Variants in REEP1 observed in about 807,000 individuals in gnomAD.
REEP1 encodes receptor expression-enhancing protein 1.
REEP1 carries 22 observed loss-of-function variants against 40.3 expected under a neutral mutation model. That is an observed-to-expected ratio of 0.55 (90% CI 0.39 to 0.78). REEP1 has a LOEUF of 0.78. Ranked by LOEUF, REEP1 falls within the 30% of genes least tolerant of loss-of-function variation. The pLI is 0.00. For synonymous variants in REEP1, 116 were observed against 139.2 expected, an observed-to-expected ratio of 0.83 and a Z score of 1.17; for missense variants, 280 against 361.1, an observed-to-expected ratio of 0.78 and a Z score of 1.82.
intron 8 of REEP1, among the ~76,000 whole-genome samples, chr2:86,218,699 C>T (rs1271295403): frequency 6.6e-6 from 1 of 152,208 alleles, no homozygotes; most frequent in Non-Finnish European, 1.5e-5. Context: ...ATTGCCCAGG[C>T]CAGACTCCTC....
chr2:86,263,971 A>G lies in REEP1; in HGVS notation c.176T>C (p.Leu59Pro), dbSNP rs1553462741. 6.2e-7 allele frequency: 1 copy of G among 1,611,670 alleles called. No individual in the cohort carries two copies. The highest frequency in any genetic ancestry group is 2.2e-5 in the East Asian group (1 of 44,874). ...TTAETFTDIF[L>P]CWFPFYYELK... ...CAACTCCTGGAGTACTTACCAACAA[A>G]GGAAGATGTCTGTGAATGTCTCTGC... The change falls in exon 3 of 9, where the codon CTT becomes CCT. Residue 59 changes from leucine to proline, a missense_variant. Physicochemically the swap from Leu to Pro is moderately conservative, Grantham distance 98. Around this residue, in one of 3 missense-constraint regions of REEP1, gnomAD observed 68 missense variants for 83.7 expected, o/e 0.81. Transcript: ENST00000538924.
intron 1 of REEP1, among the ~76,000 whole-genome samples, chr2:86,293,342 C>T (rs935140701): frequency 6.6e-6 from 1 of 152,146 alleles, no homozygotes; most frequent in African/African-American, 2.4e-5. Flanking sequence ...GGCAAAGCTG[C>T]GTGTGCTAAG....
At chr2:86,236,828 C>T (rs1014700304) in intron 5 of REEP1, among the ~76,000 whole-genome samples, 6 of 152,232 alleles carry the variant, frequency 3.9e-5, no homozygotes, top group African/African-American at 9.6e-5. Context: ...CTCCGCCTCC[C>T]GCGTTCACGC....
intron 1 of REEP1, among the ~76,000 whole-genome samples, chr2:86,296,939 G>A (rs1203330358): frequency 6.6e-6 from 1 of 152,200 alleles, no homozygotes; most frequent in East Asian, 1.9e-4. Flanking sequence ...CTTGGGTTCT[G>A]CTGAAAACAA....
At chr2:86,304,297 T>G (rs566589421) in intron 1 of REEP1, among the ~76,000 whole-genome samples, 2 of 152,224 alleles carry the variant, frequency 1.3e-5, no homozygotes, top group East Asian at 3.9e-4. Flanking sequence ...TGTATCCAAA[T>G]TTGTCACAGC....
At chr2:86,254,624 C>T in intron 4 of REEP1, 70 bp downstream of exon 4, 1 of 1,520,388 alleles carries the variant, frequency 6.6e-7, no homozygotes. Context: ...GCAATAAGAT[C>T]ATCCCTTTTT....
intron 1 of REEP1, among the ~76,000 whole-genome samples, chr2:86,282,623 C>A (rs1387213718): frequency 6.6e-6 from 1 of 152,136 alleles, no homozygotes; most frequent in African/African-American, 2.4e-5. Flanking sequence ...GCTTCTTTCT[C>A]CATCAAAACC....
intron 8 of REEP1, 53 bp downstream of exon 8, chr2:86,219,917 G>T: frequency 8.2e-7 from 1 of 1,223,936 alleles, no homozygotes; most frequent in Non-Finnish European, 1.0e-6. Flanking sequence ...CAATCTCCAG[G>T]GCATAGCCTT....
chr2:86,251,997 A>C lies in REEP1; in HGVS notation c.377T>G (p.Leu126Trp). 1 of 1,614,070 alleles carries C rather than the reference A, an allele frequency of 6.2e-7. No individual in the cohort carries two copies. Among genetic ancestry groups the C allele is most frequent in the East Asian group, 2.2e-5 (1 of 44,870 alleles). The change falls in exon 5 of 9, where the codon TTG becomes TGG. Residue 126 changes from leucine (L) to tryptophan (W), a missense_variant. Transcript: ENST00000538924. The part of the protein sequence containing the change: ...DALVHFGKRG[L>W]NVAATAAVMA... ...CACAGCCGCTGTGGCGGCCACGTTC[A>C]AGCCCCGCTTCCCGAAGTGCACAAG...
chr2:86,271,559 T>C (rs1319471593), intron 2 of REEP1, among the ~76,000 whole-genome samples: 1 of 152,176 alleles, frequency 6.6e-6, no homozygotes, highest in Admixed American at 6.5e-5. Flanking sequence ...TTTCAAAAAA[T>C]GAAAGCTGTT....
chr2:86,274,525 C>T (rs1297218526), intron 2 of REEP1, among the ~76,000 whole-genome samples: 4 of 152,224 alleles, frequency 2.6e-5, no homozygotes, highest in African/African-American at 9.6e-5. Flanking sequence ...AGATGGAAAC[C>T]ATAGCCATCT....
In REEP1 at chr2:86,215,582, TACACTG is replaced by T. The variant is rs1284361923; in HGVS notation, c.*1451_*1456del. On this transcript the variant is annotated 3_prime_UTR_variant, in exon 9 of 9. Coordinates refer to ENST00000538924, the MANE Select transcript of REEP1 (RefSeq NM_001371279.1). ...ACTGGGTTGTGACCACTGCATGCAT[TACACTG>T]AAAGAAACACCAACTCGAAGCACAA... 2.6e-5 allele frequency: 4 copies of T among 152,638 alleles called. No homozygotes were observed. Among genetic ancestry groups the T allele is most frequent in the Non-Finnish European group, 5.9e-5 (4 of 68,036 alleles). The allele number at this position is 152,638 out of a possible 1,614,324, so 9.5% of individuals were successfully genotyped here.
intron 1 of REEP1, among the ~76,000 whole-genome samples, chr2:86,287,370 G>A (rs1160650183): frequency 6.6e-6 from 1 of 152,146 alleles, no homozygotes; most frequent in Non-Finnish European, 1.5e-5. Context: ...TTAAAGACAT[G>A]AGCCACTGCA....
At position 86,332,262 on chromosome 2, in the gene REEP1, C is replaced by A. The variant is rs146847029; in HGVS notation, c.32+5217G>T. The stretch of plus-strand genomic sequence containing the variant: ...ACATCCTTAGTGCCCAAGTGCACCC[C>A]CCTCTCCTTACTTCTTTTCGGGGGT... On this transcript the variant is annotated intron_variant, in intron 1 of 8. Coordinates refer to ENST00000538924, the MANE Select transcript of REEP1 (RefSeq NM_001371279.1). Among the ~76,000 whole-genome samples, 1,495 of 152,150 alleles carry A rather than the reference C, an allele frequency of 9.8e-3. 18 individuals carry two copies. The highest frequency in any genetic ancestry group is 0.014 in the Non-Finnish European group (951 of 68,002).
chr2:86,315,135 G>T (rs925373155), intron 1 of REEP1, among the ~76,000 whole-genome samples: 4 of 152,072 alleles, frequency 2.6e-5, no homozygotes, highest in African/African-American at 9.7e-5. Flanking sequence ...GAGTAGCCGG[G>T]ACTCTTAGAG....
At chr2:86,217,812 G>T (rs898353476) in intron 8 of REEP1, among the ~76,000 whole-genome samples, 2 of 151,748 alleles carry the variant, frequency 1.3e-5, no homozygotes, top group African/African-American at 2.4e-5. Context: ...CAGATTTTTC[G>T]ATTAGGGATG....
intron 2 of REEP1, among the ~76,000 whole-genome samples, chr2:86,267,611 A>C (rs1677218173): frequency 6.6e-6 from 1 of 152,028 alleles, no homozygotes; most frequent in South Asian, 2.1e-4. Context: ...GCTTGAGCCC[A>C]GGAGTTCAAG....
intron 1 of REEP1, among the ~76,000 whole-genome samples, chr2:86,304,104 A>T (rs1473731835): frequency 6.6e-6 from 1 of 152,164 alleles, no homozygotes; most frequent in Non-Finnish European, 1.5e-5. Flanking sequence ...AGCAGTTTAC[A>T]ACCCAGGCTG....
chr2:86,245,387 G>A (rs1675881161), intron 5 of REEP1, among the ~76,000 whole-genome samples: 1 of 152,142 alleles, frequency 6.6e-6, no homozygotes, highest in African/African-American at 2.4e-5. Flanking sequence ...ACACTCCTTT[G>A]AAACACTGGA....
Sources: allele counts gnomAD v4.1 joint callset (sites outside exome capture counted in the v4.1 genomes callset), GRCh38; gene constraint gnomAD v4.1.1; regional missense constraint gnomAD v4.1.1; transcripts MANE v1.5; gene names NCBI Gene and HGNC (gene_info 2026-07-23, HGNC 2026-07-21).